DNAH8: variants seen among roughly 807,000 people sequenced by gnomAD.
DNAH8 encodes the protein dynein axonemal heavy chain 8, also known as axonemal beta dynein heavy chain 8.
Under a neutral mutation model 562.1 loss-of-function variants are expected in DNAH8, and 382 were observed. The observed-to-expected ratio is 0.68, with a 90% CI of 0.63 to 0.74. DNAH8 has a LOEUF of 0.74. Among genes scored for constraint, DNAH8 ranks in the 30% least tolerant of loss-of-function variants. DNAH8 has a pLI of 0.00. For missense variants in DNAH8, 5,203 were observed against 5,620.4 expected, an observed-to-expected ratio of 0.93 and a Z score of 2.37; for synonymous variants, 1,881 against 1,919.4, an observed-to-expected ratio of 0.98 and a Z score of 0.52.
Position 39,027,905 on chromosome 6 carries a change from C to T in DNAH8, c.13836+1238C>T, listed in dbSNP as rs536479180. Reference sequence around the variant, plus strand: ...ATCATTTAGGTGTGGTGCTGGACCCCATGTAGACTCTCAGTAAATCAGTCT... The same window carrying T: ...ATCATTTAGGTGTGGTGCTGGACCCTATGTAGACTCTCAGTAAATCAGTCT... On this transcript the variant is annotated intron_variant, in intron 92 of 92. Coordinates refer to ENST00000327475, the MANE Select transcript of DNAH8 (RefSeq NM_001206927.2). Among the ~76,000 whole-genome samples, 5 of 152,236 alleles carry T rather than the reference C, an allele frequency of 3.3e-5. No individual in the cohort carries two copies. In the South Asian group the frequency reaches 1.0e-3, roughly 32 times the overall value.
intron 82 of DNAH8, among the ~76,000 whole-genome samples, chr6:38,955,654 T>C (rs927966056): frequency 2.0e-4 from 30 of 151,970 alleles, no homozygotes; most frequent in African/African-American, 6.8e-4. Flanking sequence ...TAAATAAATG[T>C]AAGGATCTTA....
intron 77 of DNAH8, 32 bp downstream of exon 77, chr6:38,935,729 G>A (rs372878719): frequency 4.3e-5 from 63 of 1,452,442 alleles, no homozygotes; most frequent in Admixed American, 3.7e-4. Context: ...ATGAAATAAC[G>A]GATTCTGAAT....
At chr6:38,800,747 C>T (rs536863576) in intron 21 of DNAH8, among the ~76,000 whole-genome samples, 14 of 152,260 alleles carry the variant, frequency 9.2e-5, no homozygotes, top group Middle Eastern at 3.4e-3. Flanking sequence ...AAACCCCTGA[C>T]CTCGAATGAT....
At chr6:38,972,552 T>G (rs6942385) in intron 83 of DNAH8, among the ~76,000 whole-genome samples, 59,957 of 151,826 alleles carry the variant, frequency 0.39, 13,578 homozygotes, top group East Asian at 0.69. Flanking sequence ...CAGTTTAACT[T>G]TGGGCCTTAA....
chr6:39,003,209 G>A (rs769782433), intron 88 of DNAH8, among the ~76,000 whole-genome samples: 4 of 152,170 alleles, frequency 2.6e-5, no homozygotes, highest in Non-Finnish European at 4.4e-5. Flanking sequence ...CAGGGAAGGA[G>A]GAGAGAAAAG....
At chr6:38,947,600 G>A (rs1761538987) in intron 80 of DNAH8, among the ~76,000 whole-genome samples, 1 of 152,168 alleles carries the variant, frequency 6.6e-6, no homozygotes, top group Non-Finnish European at 1.5e-5. Flanking sequence ...GAGGAGGCCT[G>A]TGGGGGACAC....
chr6:38,884,595 C>G (rs1362745508), intron 56 of DNAH8, among the ~76,000 whole-genome samples: 1 of 152,098 alleles, frequency 6.6e-6, no homozygotes, highest in Non-Finnish European at 1.5e-5. Flanking sequence ...CACCTGTCTC[C>G]TACGTGGTTT....
At chr6:38,917,025 C>A (rs1781357874) in intron 68 of DNAH8, among the ~76,000 whole-genome samples, 3 of 152,030 alleles carry the variant, frequency 2.0e-5, no homozygotes. Context: ...ATATTTTAAA[C>A]CAATTCGTTG....
intron 71 of DNAH8, among the ~76,000 whole-genome samples, chr6:38,922,293 C>T (rs190324821): frequency 2.3e-4 from 35 of 151,260 alleles, no homozygotes; most frequent in African/African-American, 5.8e-4. Flanking sequence ...GAGGAAAGTC[C>T]GGATTTGTAA....
intron 86 of DNAH8, among the ~76,000 whole-genome samples, chr6:38,983,695 T>A (rs1273346936): frequency 1.3e-5 from 2 of 152,226 alleles, no homozygotes; most frequent in African/African-American, 2.4e-5. Flanking sequence ...AATATTTTGA[T>A]GTAGTTTTAG....
Position 39,030,206 on chromosome 6 carries a change from A to G in DNAH8, c.13938A>G (p.Leu4646=), listed in dbSNP as rs924296804. The G allele has an allele frequency of 6.2e-7, 1 of 1,614,110 alleles. No individual in the cohort carries two copies. Among genetic ancestry groups the G allele is most frequent in the Non-Finnish European group, 8.5e-7 (1 of 1,180,006 alleles). ...CCCCCAAGGTACTCTTCACGCAGTTACCCGTGCTCCACATCTTTGCCATTA... is the reference window on the plus strand; with the variant it reads ...CCCCCAAGGTACTCTTCACGCAGTTGCCCGTGCTCCACATCTTTGCCATTA... The part of the protein sequence containing the change: ...ESTPKVLFTQ[L]PVLHIFAINS... Residue 4646 remains leucine (L), a synonymous_variant, in exon 93 of 93, where the codon TTA becomes TTG. Coordinates refer to ENST00000327475, the MANE Select transcript of DNAH8 (RefSeq NM_001206927.2).
At chr6:39,029,131 G>C (rs928181806) in intron 92 of DNAH8, among the ~76,000 whole-genome samples, 3 of 152,078 alleles carry the variant, frequency 2.0e-5, no homozygotes, top group Non-Finnish European at 4.4e-5. Flanking sequence ...AAACTCTTCA[G>C]CTTAGCACCC....
At chr6:38,954,890 A>G (rs1453526218) in intron 82 of DNAH8, among the ~76,000 whole-genome samples, 1 of 152,190 alleles carries the variant, frequency 6.6e-6, no homozygotes, top group African/African-American at 2.4e-5. Context: ...GGCTTGGATA[A>G]TTTTCTGATA....
intron 18 of DNAH8, among the ~76,000 whole-genome samples, chr6:38,787,318 C>A (rs1289422466): frequency 6.6e-6 from 1 of 152,138 alleles, no homozygotes; most frequent in African/African-American, 2.4e-5. Context: ...CTATACAATA[C>A]AAGTAGAGGT....
intron 28 of DNAH8, 100 bp from the exon 29 acceptor site, chr6:38,826,056 G>A: frequency 1.4e-6 from 1 of 713,520 alleles, no homozygotes; most frequent in Non-Finnish European, 2.3e-6. Context: ...AAAGCCACAT[G>A]TGGTTAGTGA....
intron 76 of DNAH8, among the ~76,000 whole-genome samples, chr6:38,935,155 A>G (rs1421349766): frequency 1.3e-5 from 2 of 152,204 alleles, no homozygotes; most frequent in African/African-American, 4.8e-5. Context: ...CCAAGAGCTC[A>G]CATTTAATCT....
intron 73 of DNAH8, 108 bp downstream of exon 73, chr6:38,924,270 T>C (rs1269418535): frequency 7.0e-6 from 8 of 1,138,190 alleles, no homozygotes; most frequent in Non-Finnish European, 1.0e-5. Context: ...CCCAGCACTT[T>C]GGGAGGCTGA....
rs35615279 is a variant in DNAH8 at position 38,958,414 on chromosome 6, G to GAAAA, written c.12451+6904_12451+6907dup. On this transcript the variant is annotated intron_variant, in intron 82 of 92. Coordinates refer to ENST00000327475, the MANE Select transcript of DNAH8 (RefSeq NM_001206927.2). ...ACTAAGAAAAAAAGAGATATGACTG[G>GAAAA]AAAAAAAAAAAAACAGAGATGAAAA... Among the ~76,000 whole-genome samples, 264 of 131,034 alleles carry GAAAA rather than the reference G, an allele frequency of 2.0e-3. 2 individuals carry two copies. In the Middle Eastern group the frequency reaches 0.029, roughly 14 times the overall value. 86.0% of individuals were successfully genotyped at this position (131,034 alleles called of 152,430 possible). A position where few individuals can be genotyped will look rare whatever the true frequency, so the allele number is the denominator to read the frequency against.
chr6:38,888,911 A>G (rs1779146714), intron 57 of DNAH8, among the ~76,000 whole-genome samples: 1 of 151,986 alleles, frequency 6.6e-6, no homozygotes, highest in South Asian at 2.1e-4. Context: ...TTTTTCCTTT[A>G]TGGTTTGGGT....
Sources: gnomAD v4.1 joint callset for allele counts (sites outside exome capture counted in the v4.1 genomes callset) on GRCh38, gnomAD v4.1.1 for gene constraint, MANE v1.5 for transcripts, NCBI Gene and HGNC (gene_info 2026-07-23, HGNC 2026-07-21) for gene names.